Variants in KCNC2 observed in about 807,000 individuals in gnomAD.
The protein encoded by KCNC2 is potassium voltage-gated channel subfamily C member 2.
In KCNC2, 21 loss-of-function variants were observed where a neutral mutation model predicts 44.5. The ratio of observed to expected loss-of-function variants is 0.47; its 90% CI spans 0.33 to 0.68. The LOEUF is 0.68. KCNC2 is among the 30% of genes least tolerant of loss of function. The pLI, the probability that KCNC2 is intolerant of heterozygous loss-of-function variation, is 0.01. For synonymous variants in KCNC2, 391 were observed against 339.1 expected, an observed-to-expected ratio of 1.15 and a Z score of -1.68; for missense variants, 589 against 826.2, an observed-to-expected ratio of 0.71 and a Z score of 3.52.
At chr12:75,165,443 A>G (rs1176706995) in intron 2 of KCNC2, among the ~76,000 whole-genome samples, 2 of 151,570 alleles carry the variant, frequency 1.3e-5, no homozygotes, top group African/African-American at 2.4e-5. Context: ...GCAGTTAGTC[A>G]TGAGTTATGA....
chr12:75,103,663 G>C (rs1034769882), intron 2 of KCNC2, among the ~76,000 whole-genome samples: 3 of 152,256 alleles, frequency 2.0e-5, no homozygotes, highest in Admixed American at 1.3e-4. Context: ...ATATACAGTA[G>C]TTCCCCCTTA....
intron 2 of KCNC2, among the ~76,000 whole-genome samples, chr12:75,142,872 A>T (rs917726133): frequency 1.1e-4 from 17 of 152,220 alleles, no homozygotes; most frequent in Non-Finnish European, 4.4e-5. Context: ...CCGCCTGCTG[A>T]TATCCAAAGC....
At chr12:75,152,416 G>C (rs1433272171) in intron 2 of KCNC2, among the ~76,000 whole-genome samples, 3 of 151,806 alleles carry the variant, frequency 2.0e-5, no homozygotes, top group Non-Finnish European at 4.4e-5. Flanking sequence ...GGTTTACTGA[G>C]AGAAAATAAT....
chr12:75,070,871 A>C (rs1233829677), intron 2 of KCNC2, among the ~76,000 whole-genome samples: 4 of 152,172 alleles, frequency 2.6e-5, no homozygotes, highest in Non-Finnish European at 4.4e-5. Context: ...CATAGGACAT[A>C]TACATGTAGA....
chr12:75,091,422 T>C (rs910886205), intron 2 of KCNC2, among the ~76,000 whole-genome samples: 5 of 151,760 alleles, frequency 3.3e-5, no homozygotes, highest in South Asian at 2.1e-4. Context: ...TGTATGAGCC[T>C]GTACTGGCAA....
chr12:75,200,470 G>A (rs1000694791), intron 2 of KCNC2, among the ~76,000 whole-genome samples: 11 of 151,494 alleles, frequency 7.3e-5, no homozygotes, highest in Admixed American at 1.3e-4. Flanking sequence ...ATGCACACAC[G>A]CACTTCTCAA....
chr12:75,148,796 A>AAAG (rs1890197565), intron 2 of KCNC2, among the ~76,000 whole-genome samples: 4 of 152,116 alleles, frequency 2.6e-5, no homozygotes, highest in South Asian at 4.1e-4. Context: ...TCTTTCTAGA[A>AAAG]AAGTAATTAG....
intron 2 of KCNC2, among the ~76,000 whole-genome samples, chr12:75,182,520 CAAA>C (rs71438888): frequency 1.2e-5 from 1 of 81,418 alleles, no homozygotes; most frequent in African/African-American, 4.1e-5. Flanking sequence ...GATTCCGTCT[CAAA>C]AAAAAAAAAA....
At chr12:75,138,709 G>C (rs187779974) in intron 2 of KCNC2, among the ~76,000 whole-genome samples, 1 of 151,988 alleles carries the variant, frequency 6.6e-6, no homozygotes, top group South Asian at 2.1e-4. Context: ...GGCTGGGCGC[G>C]GTGGCTCATG....
At chr12:75,151,685 A>G (rs1168449783) in intron 2 of KCNC2, among the ~76,000 whole-genome samples, 4 of 151,688 alleles carry the variant, frequency 2.6e-5, no homozygotes, top group East Asian at 1.9e-4. Flanking sequence ...TACTTATTTG[A>G]TACATTTAAA....
At chr12:75,124,507 A>G (rs1047013450) in intron 2 of KCNC2, among the ~76,000 whole-genome samples, 15 of 152,174 alleles carry the variant, frequency 9.9e-5, no homozygotes, top group African/African-American at 3.6e-4. Flanking sequence ...TGGGCTCTGG[A>G]TATCCCTCGC....
intron 2 of KCNC2, among the ~76,000 whole-genome samples, chr12:75,179,640 C>T (rs1381196593): frequency 6.7e-6 from 1 of 148,392 alleles, no homozygotes; most frequent in African/African-American, 2.5e-5. Flanking sequence ...TTTATAAAAA[C>T]TATAAAAGAT....
chr12:75,043,463 A>C, intron 4 of KCNC2: 1 of 1,320,738 alleles, frequency 7.6e-7, no homozygotes, highest in Non-Finnish European at 9.7e-7. Flanking sequence ...TTGTTACAAT[A>C]CTTCAAAATA....
chr12:75,094,806 A>G (rs1242262591), intron 2 of KCNC2, among the ~76,000 whole-genome samples: 1 of 151,740 alleles, frequency 6.6e-6, no homozygotes, highest in African/African-American at 2.4e-5. Context: ...CTCTATCAAC[A>G]GAAATTGGCA....
chr12:75,092,950 C>T (rs1254940153), intron 2 of KCNC2, among the ~76,000 whole-genome samples: 3 of 150,564 alleles, frequency 2.0e-5, no homozygotes, highest in Non-Finnish European at 4.4e-5. Flanking sequence ...TAATCTTTAT[C>T]ACAGGGATGA....
intron 2 of KCNC2, among the ~76,000 whole-genome samples, chr12:75,151,632 A>G (rs1252142621): frequency 6.6e-6 from 1 of 151,860 alleles, no homozygotes; most frequent in African/African-American, 2.4e-5. Flanking sequence ...GAAGATAGAT[A>G]ATACAAAAAT....
intron 4 of KCNC2, 43 bp downstream of exon 4, chr12:75,048,110 A>T: frequency 6.4e-7 from 1 of 1,570,440 alleles, no homozygotes; most frequent in Non-Finnish European, 8.7e-7. Flanking sequence ...CCAACAGTTT[A>T]TTGCTAAGTC....
rs141006036 is a variant in KCNC2, at chr12:75,111,544, C to T, written c.688-60227G>A. ...TGTATATCAATAAGTATCCTTTTTACAAGGTGATACCAAATGTTTATTTTT... is the reference window on the plus strand; with the variant it reads ...TGTATATCAATAAGTATCCTTTTTATAAGGTGATACCAAATGTTTATTTTT... On this transcript the variant is annotated intron_variant, in intron 2 of 4. Transcript: ENST00000549446. Among the ~76,000 whole-genome samples the T allele has an allele frequency of 6.0e-3, 905 of 152,016 alleles. 7 individuals are homozygous for T. The highest frequency in any genetic ancestry group is 0.02 in the African/African-American group (836 of 41,502).
At chr12:75,046,328 T>A (rs539404795) in intron 4 of KCNC2, among the ~76,000 whole-genome samples, 218 of 151,902 alleles carry the variant, frequency 1.4e-3, no homozygotes, top group African/African-American at 5.1e-3. Flanking sequence ...AATTTTATAG[T>A]AAAACTTTGT....
Sources: allele counts gnomAD v4.1 joint callset (sites outside exome capture counted in the v4.1 genomes callset), GRCh38; gene constraint gnomAD v4.1.1; transcripts MANE v1.5; gene names NCBI Gene and HGNC (gene_info 2026-07-23, HGNC 2026-07-21).